The following MAP7D2 variants were observed in gnomAD, a reference collection of about 807,000 sequenced individuals.
MAP7D2 encodes MAP7 domain containing 2, also known as MAP7 domain-containing protein 2.
In MAP7D2, 33 loss-of-function variants were observed where a neutral mutation model predicts 63.5. The ratio of observed to expected loss-of-function variants is 0.52; its 90% CI spans 0.39 to 0.70. The LOEUF (loss-of-function observed/expected upper bound fraction) is 0.70, where lower values mean the gene tolerates loss of function less well. MAP7D2 is among the 30% of genes least tolerant of loss of function. The pLI is 0.00. For missense variants in MAP7D2, 626 were observed against 604.0 expected, an observed-to-expected ratio of 1.04 and a Z score of -0.38; for synonymous variants, 224 against 223.7, an observed-to-expected ratio of 1.00 and a Z score of -0.01.
In MAP7D2 at chrX:20,092,297, C is replaced by T. The variant is rs910435805; in HGVS notation, c.130+24453G>A. ...GAAGCAGATATCCCAAAATATGGCA[C>T]TTTGACGTACTGAACTGAAGAAGCC... On this transcript the variant is annotated intron_variant, in intron 1 of 16. Transcript: ENST00000379643. Among the ~76,000 whole-genome samples the T allele has an allele frequency of 4.5e-5, 5 of 111,316 alleles. No homozygotes were observed. In the South Asian group the frequency reaches 1.9e-3, roughly 43 times the overall value.
intron 1 of MAP7D2, among the ~76,000 whole-genome samples, chrX:20,091,261 C>G: frequency 9.4e-6 from 1 of 106,377 alleles, no homozygotes; most frequent in South Asian, 4.6e-4. Context: ...CCATGTTGGC[C>G]AGGCTGGTCT....
intron 1 of MAP7D2, among the ~76,000 whole-genome samples, chrX:20,094,523 T>TAC: frequency 7.6e-5 from 1 of 13,215 alleles, no homozygotes; most frequent in East Asian, 2.0e-3. Flanking sequence ...TATGTATATA[T>TAC]ATATATATAT....
At chrX:20,107,580 C>T (rs1193186610) in intron 1 of MAP7D2, among the ~76,000 whole-genome samples, 1 of 109,547 alleles carries the variant, frequency 9.1e-6, no homozygotes, top group Non-Finnish European at 1.9e-5. Flanking sequence ...CCCGCCCCCC[C>T]CAAAATTAAT....
intron 8 of MAP7D2, among the ~76,000 whole-genome samples, chrX:20,033,152 AAG>A (rs1465123790): frequency 2.7e-5 from 3 of 112,212 alleles, no homozygotes; most frequent in Non-Finnish European, 3.8e-5. Context: ...AACTGCACAA[AAG>A]ATCCAAAGAG....
At position 20,094,516 on chromosome X, in the gene MAP7D2, G is replaced by GTA. The variant is rs1208747143; in HGVS notation, c.130+22232_130+22233dup. On this transcript the variant is annotated intron_variant, in intron 1 of 16. Transcript: ENST00000379643. The stretch of plus-strand genomic sequence containing the variant: ...TATATATATATATATATATATATAT[G>GTA]TATATATATATATATATATATATAT... Among the ~76,000 whole-genome samples, 76 of 11,884 alleles carry GTA rather than the reference G, an allele frequency of 6.4e-3. 2 individuals are homozygous for GTA. The highest frequency in any genetic ancestry group is 0.019 in the South Asian group (3 of 158). 10.3% of individuals were successfully genotyped at this position (11,884 alleles called of 115,157 possible).
chrX:20,023,617 A>ATT (rs1245555480), intron 10 of MAP7D2, among the ~76,000 whole-genome samples: 2 of 112,382 alleles, frequency 1.8e-5, no homozygotes, highest in Non-Finnish European at 3.8e-5. Context: ...TGTGAAGAAA[A>ATT]TGGGAGATAC....
intron 1 of MAP7D2, among the ~76,000 whole-genome samples, chrX:20,087,538 TA>T (rs1471856909): frequency 2.7e-5 from 3 of 112,001 alleles, no homozygotes. Context: ...CTTCTCTTTA[TA>T]AATTACCCAG....
intron 1 of MAP7D2, among the ~76,000 whole-genome samples, chrX:20,074,488 G>A (rs776824569): frequency 3.6e-5 from 4 of 111,636 alleles, no homozygotes; most frequent in South Asian, 7.5e-4. Context: ...GTTTTTGTTC[G>A]GAAAGCATCA....
chrX:20,109,015 T>C (rs2066652651), intron 1 of MAP7D2, among the ~76,000 whole-genome samples: 1 of 109,967 alleles, frequency 9.1e-6, no homozygotes. Context: ...AATAACATTT[T>C]TGCTGTAATT....
chrX:20,101,192 A>G (rs910374637), intron 1 of MAP7D2, among the ~76,000 whole-genome samples: 6 of 112,031 alleles, frequency 5.4e-5, no homozygotes, highest in Non-Finnish European at 1.1e-4. Context: ...GTTTGTGATA[A>G]TCTGTTATAG....
At chrX:20,083,509 T>C (rs1174755069) in intron 1 of MAP7D2, among the ~76,000 whole-genome samples, 1 of 112,472 alleles carries the variant, frequency 8.9e-6, no homozygotes, top group African/African-American at 3.2e-5. Flanking sequence ...AAATCCTGTG[T>C]GTTGCCATTC....
intron 1 of MAP7D2, among the ~76,000 whole-genome samples, chrX:20,111,280 T>C (rs1189117384): frequency 9.0e-6 from 1 of 111,635 alleles, no homozygotes; most frequent in Non-Finnish European, 1.9e-5. Flanking sequence ...TTAGCGGCCA[T>C]TACTGTCTGG....
At chrX:20,090,379 A>G (rs1375479724) in intron 1 of MAP7D2, among the ~76,000 whole-genome samples, 2 of 109,199 alleles carry the variant, frequency 1.8e-5, no homozygotes, top group African/African-American at 6.7e-5. Context: ...AAAAAAAAAA[A>G]AAAAAAATGT....
intron 1 of MAP7D2, among the ~76,000 whole-genome samples, chrX:20,105,909 A>C (rs1484040125): frequency 8.9e-6 from 1 of 112,300 alleles, no homozygotes; most frequent in Non-Finnish European, 1.9e-5. Flanking sequence ...TATAACAAAC[A>C]AATTTACTTG....
chrX:20,018,620 T>C (rs1224554388), intron 10 of MAP7D2, among the ~76,000 whole-genome samples: 1 of 108,868 alleles, frequency 9.2e-6, no homozygotes, highest in Non-Finnish European at 1.9e-5. Flanking sequence ...TTTTTGTAGT[T>C]TTAGTAGAGA....
chrX:20,076,477 G>A (rs1312161262), intron 1 of MAP7D2, among the ~76,000 whole-genome samples: 5 of 111,195 alleles, frequency 4.5e-5, no homozygotes, highest in Non-Finnish European at 9.4e-5. Flanking sequence ...AGGCTGAGGC[G>A]GGTGGATCAC....
chrX:20,110,770 TGA>T (rs1244768971), intron 1 of MAP7D2, among the ~76,000 whole-genome samples: 3 of 110,692 alleles, frequency 2.7e-5, no homozygotes, highest in African/African-American at 9.9e-5. Context: ...TTGGTGTTCT[TGA>T]GAGGTGCTGG....
chrX:20,096,774 A>G (rs1326440867), intron 1 of MAP7D2, among the ~76,000 whole-genome samples: 1 of 112,178 alleles, frequency 8.9e-6, no homozygotes. Flanking sequence ...GGTGAATTTT[A>G]TGTTATGTAT....
At chrX:20,025,478 C>T (rs2073807088) in intron 9 of MAP7D2, among the ~76,000 whole-genome samples, 1 of 111,741 alleles carries the variant, frequency 8.9e-6, no homozygotes, top group South Asian at 3.8e-4. Flanking sequence ...TGGAGTCAGC[C>T]TCTAGATTTC....
Sources: allele counts gnomAD v4.1 joint callset (sites outside exome capture counted in the v4.1 genomes callset), GRCh38; gene constraint gnomAD v4.1.1; transcripts MANE v1.5; gene names NCBI Gene and HGNC (gene_info 2026-07-23, HGNC 2026-07-21).